Variants in PAPOLA observed in about 807,000 individuals in gnomAD.
PAPOLA encodes polynucleotide adenylyltransferase alpha.
In PAPOLA, 15 loss-of-function variants were observed where a neutral mutation model predicts 100.6. That is an observed-to-expected ratio of 0.15 (90% CI 0.10 to 0.23). The LOEUF (loss-of-function observed/expected upper bound fraction) is 0.23, where lower values mean the gene tolerates loss of function less well. Among genes scored for constraint, PAPOLA ranks in the 10% least tolerant of loss-of-function variants. The pLI, the probability that PAPOLA is intolerant of heterozygous loss-of-function variation, is 1.00. For synonymous variants in PAPOLA, 293 were observed against 300.0 expected (o/e 0.98, Z 0.24); for missense variants, 533 against 884.2 (o/e 0.60, Z 5.04).
intron 15 of PAPOLA, among the ~76,000 whole-genome samples, chr14:96,547,025 C>T (rs190831883): frequency 5.9e-5 from 9 of 152,240 alleles, no homozygotes; most frequent in East Asian, 1.9e-4. Context: ...CTACTCCCTA[C>T]GTGGTTTTTC....
chr14:96,541,090 T>C (rs1899948653), intron 12 of PAPOLA, among the ~76,000 whole-genome samples: 1 of 152,098 alleles, frequency 6.6e-6, no homozygotes, highest in Admixed American at 6.6e-5. Flanking sequence ...GGAGTTTCAC[T>C]GTGTTAGCCA....
chr14:96,545,898 G>A (rs1305403800), intron 15 of PAPOLA, among the ~76,000 whole-genome samples: 1 of 151,862 alleles, frequency 6.6e-6, no homozygotes, highest in Non-Finnish European at 1.5e-5. Flanking sequence ...ATACTTACCT[G>A]GATTAGAAAT....
chr14:96,503,948 TC>T (rs1459428710), intron 1 of PAPOLA, among the ~76,000 whole-genome samples: 2 of 152,226 alleles, frequency 1.3e-5, no homozygotes, highest in African/African-American at 4.8e-5. Flanking sequence ...AAGAAGTCTA[TC>T]ACATTACTTC....
At position 96,531,457 on chromosome 14, in the gene PAPOLA, G is replaced by A. The variant is rs367672395; in HGVS notation, c.496-18G>A. On this transcript the variant is annotated intron_variant, in intron 6 of 21. Transcript: ENST00000216277. ...AGTAGTTTGACAGATATGGAATGTT[G>A]TTTTGTTTGTGTTTCAGATTGATAT... The A allele has an allele frequency of 2.5e-6, 4 of 1,572,178 alleles. No individual in the cohort carries two copies. The African/African-American group carries it at 5.4e-5, about 21-fold the overall frequency.
intron 17 of PAPOLA, among the ~76,000 whole-genome samples, chr14:96,555,435 C>T (rs1487587695): frequency 6.6e-6 from 1 of 151,684 alleles, no homozygotes; most frequent in Non-Finnish European, 1.5e-5. Flanking sequence ...GTCTCTTAGC[C>T]AAAATTAGCT....
intron 6 of PAPOLA, among the ~76,000 whole-genome samples, chr14:96,530,927 G>C (rs755036121): frequency 1.3e-5 from 2 of 151,820 alleles, no homozygotes; most frequent in African/African-American, 4.8e-5. Flanking sequence ...TGATTTTTCT[G>C]CCTCAGCCTC....
chr14:96,509,538 G>T (rs190396621), intron 1 of PAPOLA, among the ~76,000 whole-genome samples: 13 of 152,276 alleles, frequency 8.5e-5, no homozygotes, highest in African/African-American at 3.1e-4. Context: ...TTAATGATTG[G>T]ATATATTCTG....
chr14:96,520,110 A>G lies in PAPOLA; in HGVS notation c.64A>G (p.Ile22Val), dbSNP rs1408335441. 6.2e-7 allele frequency: 1 copy of G among 1,614,004 alleles called. No individual in the cohort carries two copies. The highest frequency in any genetic ancestry group is 1.7e-5 in the Admixed American group (1 of 60,022). ...ACAACCGCCACAGAAGCACTATGGC[A>G]TTACTTCTCCTATCAGCTTAGCAGC... ...QTQPPQKHYG[I>V]TSPISLAAPK... The change falls in exon 2 of 22, where the codon ATT becomes GTT. Residue 22 changes from isoleucine to valine, a missense_variant. Physicochemically the swap from Ile to Val is conservative, Grantham distance 29. Coordinates refer to ENST00000216277, the MANE Select transcript of PAPOLA (RefSeq NM_032632.5).
rs1397908749 is a variant in PAPOLA, at chr14:96,562,821, A to G, written c.2070A>G (p.Glu690=). ...TCCCCATCCTCTTTGTCTCACAGGA[A>G]CAACTTGATACAGAGACAAGTACAA... The part of the protein sequence containing the change: ...LSGHDKTEAK[E]QLDTETSTTQ... The change falls in exon 21 of 22, where the codon GAA becomes GAG. Residue 690 remains glutamate (E), a splice_region_variant and synonymous_variant. Transcript: ENST00000216277. The G allele has an allele frequency of 6.2e-7, 1 of 1,602,208 alleles. No homozygotes were observed. The highest frequency in any genetic ancestry group is 1.1e-5 in the South Asian group (1 of 90,216).
intron 20 of PAPOLA, 157 bp from the exon 21 acceptor site, chr14:96,562,662 C>T: frequency 2.0e-6 from 1 of 508,296 alleles, no homozygotes; most frequent in South Asian, 2.9e-5. Flanking sequence ...TAACCTACAA[C>T]ATCTACTGAC....
At chr14:96,531,392 G>A in intron 6 of PAPOLA, 83 bp from the exon 7 acceptor site, 9 of 1,096,486 alleles carry the variant, frequency 8.2e-6, no homozygotes, top group Non-Finnish European at 1.2e-5. Flanking sequence ...AGAGTGCTGG[G>A]ATTTTTTGTT....
At position 96,536,374 on chromosome 14, in the gene PAPOLA, AT is replaced by A. The variant is rs200071545; in HGVS notation, c.1030+377del. ...GAATGGGGCCAAACCACCCAATTACATTCCATTATTTTGGAGGAACCTTTTA... is the reference window on the plus strand; with the variant it reads ...GAATGGGGCCAAACCACCCAATTACATCCATTATTTTGGAGGAACCTTTTA... On this transcript the variant is annotated intron_variant, in intron 11 of 21. Coordinates refer to ENST00000216277, the MANE Select transcript of PAPOLA (RefSeq NM_032632.5). Among the ~76,000 whole-genome samples the A allele has an allele frequency of 6.9e-3, 1,052 of 152,230 alleles. 10 individuals are homozygous for A. The highest frequency in any genetic ancestry group is 0.012 in the Non-Finnish European group (804 of 67,952).
intron 1 of PAPOLA, among the ~76,000 whole-genome samples, chr14:96,519,605 TTTTG>T (rs893126600): frequency 1.7e-4 from 26 of 152,212 alleles, no homozygotes; most frequent in African/African-American, 6.0e-4. Flanking sequence ...TCCCTTCAAA[TTTTG>T]TTTAAGTTTT....
chr14:96,519,619 T>A (rs4514608), intron 1 of PAPOLA, among the ~76,000 whole-genome samples: 39,220 of 152,134 alleles, frequency 0.26, 5,557 homozygotes, highest in African/African-American at 0.39. Flanking sequence ...GTTTAAGTTT[T>A]TGCTATTTGC....
chr14:96,523,985 A>G (rs1898244390), intron 3 of PAPOLA, among the ~76,000 whole-genome samples: 1 of 151,620 alleles, frequency 6.6e-6, no homozygotes, highest in South Asian at 2.1e-4. Context: ...CTTGTCTATT[A>G]GTGTCTATAG....
chr14:96,550,017 T>C (rs576189562), intron 16 of PAPOLA, among the ~76,000 whole-genome samples: 63 of 152,318 alleles, frequency 4.1e-4, no homozygotes, highest in African/African-American at 1.3e-3. Context: ...AATGGTGGCC[T>C]GGGCCTTATA....
At chr14:96,557,150 A>G (rs1386461815) in intron 19 of PAPOLA, among the ~76,000 whole-genome samples, 2 of 151,908 alleles carry the variant, frequency 1.3e-5, no homozygotes, top group Non-Finnish European at 2.9e-5. Context: ...GGCTCAAGCA[A>G]TCCTCCCACC....
chr14:96,533,987 C>T, intron 9 of PAPOLA: 3 of 985,952 alleles, frequency 3.0e-6, no homozygotes, highest in Non-Finnish European at 3.6e-6. Context: ...GTTTATGGAA[C>T]ACATATGAAA....
intron 1 of PAPOLA, among the ~76,000 whole-genome samples, chr14:96,511,863 G>A (rs1897129123): frequency 6.6e-6 from 1 of 152,116 alleles, no homozygotes; most frequent in South Asian, 2.1e-4. Context: ...AATAAATAAA[G>A]CAATATTTGC....
Sources: gnomAD v4.1 joint callset for allele counts (sites outside exome capture counted in the v4.1 genomes callset) on GRCh38, gnomAD v4.1.1 for gene constraint, MANE v1.5 for transcripts, NCBI Gene and HGNC (gene_info 2026-07-23, HGNC 2026-07-21) for gene names.